The following CTNNA2 variants were observed in gnomAD, a reference collection of about 807,000 sequenced individuals.
CTNNA2 encodes the protein catenin alpha-2.
Under a neutral mutation model 101.0 loss-of-function variants are expected in CTNNA2, and 42 were observed. The observed-to-expected ratio is 0.42, with a 90% CI of 0.32 to 0.54. CTNNA2 has a LOEUF of 0.54. Among genes scored for constraint, CTNNA2 ranks in the 20% least tolerant of loss-of-function variants. The pLI, the probability that CTNNA2 is intolerant of heterozygous loss-of-function variation, is 0.14. For missense variants in CTNNA2, 871 were observed against 1,223.1 expected, an observed-to-expected ratio of 0.71 and a Z score of 4.29; for synonymous variants, 450 against 456.4, an observed-to-expected ratio of 0.99 and a Z score of 0.18.
intron 3 of CTNNA2, among the ~76,000 whole-genome samples, chr2:79,816,434 T>C (rs1329703996): frequency 6.6e-6 from 1 of 152,090 alleles, no homozygotes; most frequent in African/African-American, 2.4e-5. Flanking sequence ...TTTTAAGGAT[T>C]CAAAAATTTT....
At chr2:79,469,493 A>G (rs1171833134) in intron 4 of CTNNA2, among the ~76,000 whole-genome samples, 7 of 152,306 alleles carry the variant, frequency 4.6e-5, no homozygotes, top group Admixed American at 3.9e-4. Context: ...TATTCCAATC[A>G]ATAGAAAAAG....
At chr2:79,446,389 T>C (rs576903947) in intron 4 of CTNNA2, among the ~76,000 whole-genome samples, 2 of 152,090 alleles carry the variant, frequency 1.3e-5, no homozygotes, top group Non-Finnish European at 2.9e-5. Flanking sequence ...AAAAAACTTC[T>C]ACTCAGAAAG....
At chr2:79,857,130 G>A (rs2974158) in intron 3 of CTNNA2, among the ~76,000 whole-genome samples, 129,163 of 152,104 alleles carry the variant, frequency 0.85, 54,934 homozygotes, top group African/African-American at 0.89. Context: ...CAGAGCCCAC[G>A]AAGTGTTCAT....
chr2:80,423,911 A>G (rs1313740652), intron 9 of CTNNA2, among the ~76,000 whole-genome samples: 2 of 152,166 alleles, frequency 1.3e-5, no homozygotes, highest in Non-Finnish European at 2.9e-5. Flanking sequence ...TTGGGGACAA[A>G]AGGGAAATGG....
intron 7 of CTNNA2, among the ~76,000 whole-genome samples, chr2:80,001,620 A>C (rs999706259): frequency 3.3e-5 from 5 of 152,150 alleles, no homozygotes; most frequent in Non-Finnish European, 7.3e-5. Flanking sequence ...TGTATGTTTA[A>C]CCAAGGAGTG....
chr2:79,246,230 G>A (rs1340814131), intron 2 of CTNNA2, among the ~76,000 whole-genome samples: 1 of 152,126 alleles, frequency 6.6e-6, no homozygotes, highest in Non-Finnish European at 1.5e-5. Flanking sequence ...GGACAAGACG[G>A]TCTCTCAAAT....
At chr2:79,375,300 A>G (rs1396838830) in intron 4 of CTNNA2, among the ~76,000 whole-genome samples, 2 of 152,198 alleles carry the variant, frequency 1.3e-5, no homozygotes, top group African/African-American at 4.8e-5. Flanking sequence ...TTAGCCTGCA[A>G]CAACTACCTT....
intron 7 of CTNNA2, among the ~76,000 whole-genome samples, chr2:80,040,918 G>T (rs1187131473): frequency 2.6e-5 from 4 of 152,306 alleles, no homozygotes; most frequent in Admixed American, 2.6e-4. Flanking sequence ...GTATGTTGAT[G>T]ATAATAAATA....
intron 9 of CTNNA2, among the ~76,000 whole-genome samples, chr2:80,527,543 G>T (rs1690150009): frequency 6.6e-6 from 1 of 152,146 alleles, no homozygotes; most frequent in Non-Finnish European, 1.5e-5. Context: ...TGGCAGCTGG[G>T]GAGTCTTTTA....
intron 9 of CTNNA2, among the ~76,000 whole-genome samples, chr2:80,484,952 G>A (rs1031849318): frequency 2.6e-5 from 4 of 152,230 alleles, no homozygotes; most frequent in East Asian, 3.9e-4. Context: ...CTTGCAGTGA[G>A]CCGAGACTGT....
At chr2:79,663,064 C>T (rs1016473196) in intron 2 of CTNNA2, among the ~76,000 whole-genome samples, 1 of 152,132 alleles carries the variant, frequency 6.6e-6, no homozygotes, top group Non-Finnish European at 1.5e-5. Flanking sequence ...ATGCTGACAG[C>T]ACTCAAATTT....
intron 6 of CTNNA2, among the ~76,000 whole-genome samples, chr2:79,904,319 C>CA (rs1346256574): frequency 6.6e-6 from 1 of 152,132 alleles, no homozygotes; most frequent in East Asian, 1.9e-4. Flanking sequence ...TAGACTCCTA[C>CA]AGTAACTGGC....
At chr2:80,582,126 AG>A (rs1695594122) in intron 14 of CTNNA2, among the ~76,000 whole-genome samples, 1 of 152,152 alleles carries the variant, frequency 6.6e-6, no homozygotes, top group African/African-American at 2.4e-5. Flanking sequence ...ATAGACTGAT[AG>A]GGGACACTGG....
At chr2:80,082,869 A>G (rs967860070) in intron 7 of CTNNA2, among the ~76,000 whole-genome samples, 4 of 152,144 alleles carry the variant, frequency 2.6e-5, no homozygotes, top group Non-Finnish European at 5.9e-5. Context: ...TTTACAGCAC[A>G]TTTGCATTAC....
chr2:80,172,091 CA>C (rs1285028826), intron 7 of CTNNA2, among the ~76,000 whole-genome samples: 1 of 152,140 alleles, frequency 6.6e-6, no homozygotes, highest in Non-Finnish European at 1.5e-5. Flanking sequence ...AAGATCATGA[CA>C]GGGAGCGGTT....
chr2:79,745,616 C>G (rs1671592590), intron 3 of CTNNA2, among the ~76,000 whole-genome samples: 1 of 152,116 alleles, frequency 6.6e-6, no homozygotes, highest in African/African-American at 2.4e-5. Context: ...CTGGCAATCA[C>G]CATTCTACTT....
At chr2:79,259,648 C>T (rs763170852) in intron 2 of CTNNA2, among the ~76,000 whole-genome samples, 2 of 152,200 alleles carry the variant, frequency 1.3e-5, no homozygotes, top group African/African-American at 4.8e-5. Flanking sequence ...AGGTGGAGGG[C>T]ACAGAGCATG....
At chr2:79,645,244 C>T (rs1282301513) in intron 1 of CTNNA2, among the ~76,000 whole-genome samples, 1 of 152,134 alleles carries the variant, frequency 6.6e-6, no homozygotes, top group Non-Finnish European at 1.5e-5. Flanking sequence ...ATCTCAGCCT[C>T]CCAAAGTACT....
chr2:79,927,511 A>G (rs2916528), intron 7 of CTNNA2, among the ~76,000 whole-genome samples: 3 of 152,106 alleles, frequency 2.0e-5, no homozygotes, highest in Non-Finnish European at 4.4e-5. Context: ...AATAACCTGA[A>G]GATGGATTTT....
Sources: gnomAD v4.1 joint callset for allele counts (sites outside exome capture counted in the v4.1 genomes callset) on GRCh38, gnomAD v4.1.1 for gene constraint, MANE v1.5 for transcripts, NCBI Gene and HGNC (gene_info 2026-07-23, HGNC 2026-07-21) for gene names.